CSMD1: variants seen among roughly 807,000 people sequenced by gnomAD.
CSMD1 encodes CUB and Sushi multiple domains 1.
Under a neutral mutation model 417.5 loss-of-function variants are expected in CSMD1, and 213 were observed. The observed-to-expected ratio is 0.51, with a 90% CI of 0.46 to 0.57. CSMD1 has a LOEUF of 0.57. Among genes scored for constraint, CSMD1 ranks in the 20% least tolerant of loss-of-function variants. The probability of loss-of-function intolerance (pLI) is 0.00; values close to 1 mark genes in which losing one functional copy is unlikely to be tolerated. For missense variants in CSMD1, 6,923 were observed against 4,529.7 expected (o/e 1.53, Z -15.17); for synonymous variants, 2,862 against 1,736.8 (o/e 1.65, Z -16.11).
rs187569300 is a variant in CSMD1 at position 4,461,419 on chromosome 8, C to G, written c.303-41354G>C. Among the ~76,000 whole-genome samples the G allele has an allele frequency of 5.2e-3, 787 of 151,518 alleles. 3 individuals are homozygous for G. The highest frequency in any genetic ancestry group is 8.7e-3 in the Non-Finnish European group (588 of 67,934). The stretch of plus-strand genomic sequence containing the variant: ...ATAGGTAAAGAAGATAAAAATATAA[C>G]TATTTACAAATCACATGATCTAGTA... On this transcript the variant is annotated intron_variant, in intron 2 of 69. Coordinates refer to ENST00000635120, the MANE Select transcript of CSMD1 (RefSeq NM_033225.6).
intron 3 of CSMD1, among the ~76,000 whole-genome samples, chr8:4,251,916 G>A (rs1206957933): frequency 6.6e-6 from 1 of 151,332 alleles, no homozygotes; most frequent in Non-Finnish European, 1.5e-5. Flanking sequence ...AGGATAATGT[G>A]GGAATGGGAA....
intron 1 of CSMD1, among the ~76,000 whole-genome samples, chr8:4,991,407 C>A (rs1811455179): frequency 6.6e-6 from 1 of 152,238 alleles, no homozygotes; most frequent in South Asian, 2.1e-4. Flanking sequence ...GAAGCTGATA[C>A]TCAAGTACCC....
intron 3 of CSMD1, among the ~76,000 whole-genome samples, chr8:4,361,673 A>C (rs1161867101): frequency 6.6e-6 from 1 of 152,138 alleles, no homozygotes; most frequent in Non-Finnish European, 1.5e-5. Context: ...ATCAGCAGCC[A>C]GGTGCGACGG....
In CSMD1 at chr8:4,780,808, G is replaced by C. The variant is rs56309769; in HGVS notation, c.86-143250C>G. 5.3e-3 allele frequency among the ~76,000 whole-genome samples: 806 copies of C among 152,216 alleles called. 3 individuals carry two copies. Among genetic ancestry groups the C allele is most frequent in the African/African-American group, 0.019 (783 of 41,538 alleles). On this transcript the variant is annotated intron_variant, in intron 1 of 69. Coordinates refer to ENST00000635120, the MANE Select transcript of CSMD1 (RefSeq NM_033225.6). ...TAGCTTAGCTCCCCCGTCTCAGTGA[G>C]AACATACAATGTTTGGTTTTCCGTT...
chr8:3,093,208 C>T (rs950088523), intron 47 of CSMD1, among the ~76,000 whole-genome samples: 6 of 152,062 alleles, frequency 3.9e-5, no homozygotes, highest in African/African-American at 1.4e-4. Flanking sequence ...ATGGGTGGGT[C>T]CTGATCTAAT....
intron 3 of CSMD1, among the ~76,000 whole-genome samples, chr8:4,033,894 T>C (rs778079638): frequency 5.3e-5 from 8 of 152,198 alleles, no homozygotes; most frequent in Non-Finnish European, 7.3e-5. Flanking sequence ...AAATTCATCA[T>C]TGTTGGCTAT....
chr8:2,959,600 T>A (rs747130699), intron 62 of CSMD1, among the ~76,000 whole-genome samples: 6 of 152,154 alleles, frequency 3.9e-5, no homozygotes, highest in Non-Finnish European at 8.8e-5. Context: ...GCAAACTGAT[T>A]ATCATACACT....
At chr8:4,901,493 T>C (rs1429889399) in intron 1 of CSMD1, among the ~76,000 whole-genome samples, 1 of 152,004 alleles carries the variant, frequency 6.6e-6, no homozygotes, top group African/African-American at 2.4e-5. Context: ...CAATTATGTT[T>C]TTCCATCTTT....
At chr8:3,621,387 A>G (rs1329184615) in intron 7 of CSMD1, among the ~76,000 whole-genome samples, 2 of 152,164 alleles carry the variant, frequency 1.3e-5, no homozygotes, top group South Asian at 2.1e-4. Context: ...AAGAGTAATC[A>G]AAGTCAGAGA....
At chr8:3,382,248 T>C (rs1810674894) in intron 18 of CSMD1, among the ~76,000 whole-genome samples, 1 of 151,368 alleles carries the variant, frequency 6.6e-6, no homozygotes, top group East Asian at 1.9e-4. Context: ...GGGAAAAAGT[T>C]ATTATTTATT....
intron 1 of CSMD1, among the ~76,000 whole-genome samples, chr8:4,917,425 G>C (rs56340191): frequency 5.3e-5 from 8 of 152,098 alleles, no homozygotes; most frequent in South Asian, 2.1e-4. Context: ...ACAAGGTCAG[G>C]AGATCGAGAC....
Position 4,397,442 on chromosome 8 carries a change from G to T in CSMD1, c.415+22511C>A, listed in dbSNP as rs138592975. 6.0e-4 allele frequency among the ~76,000 whole-genome samples: 90 copies of T among 150,230 alleles called. 1 individual carries two copies. Among genetic ancestry groups the T allele is most frequent in the African/African-American group, 2.0e-3 (81 of 40,666 alleles). The stretch of plus-strand genomic sequence containing the variant: ...CATTAGGAACATGGAAATGAAGAAA[G>T]CTTCGGGAGATACGTGATCTGTTGC... On this transcript the variant is annotated intron_variant, in intron 3 of 69. Coordinates refer to ENST00000635120, the MANE Select transcript of CSMD1 (RefSeq NM_033225.6).
chr8:4,334,068 G>A (rs1476234834), intron 3 of CSMD1, among the ~76,000 whole-genome samples: 1 of 151,844 alleles, frequency 6.6e-6, no homozygotes, highest in African/African-American at 2.4e-5. Flanking sequence ...TAATTATGAT[G>A]ATGATGATGA....
rs1433931314 is a variant in CSMD1 at position 4,697,692 on chromosome 8, T to C, written c.86-60134A>G. 1.3e-5 allele frequency among the ~76,000 whole-genome samples: 2 copies of C among 152,174 alleles called. 1 individual carries two copies. Among genetic ancestry groups the C allele is most frequent in the Non-Finnish European group, 2.9e-5 (2 of 68,036 alleles). ...GATTTCCCTGGACAGTTTTAATTAC[T>C]GGACATGAGAGTTCTGAAATATGTG... On this transcript the variant is annotated intron_variant, in intron 1 of 69. Transcript: ENST00000635120.
At chr8:3,220,177 T>G (rs1369317505) in intron 28 of CSMD1, among the ~76,000 whole-genome samples, 1 of 143,706 alleles carries the variant, frequency 7.0e-6, no homozygotes, top group Non-Finnish European at 1.5e-5. Context: ...TCCACTTGCG[T>G]GGATAAATCA....
rs771502494 is a variant in CSMD1 at position 2,938,557 on chromosome 8, T to C, written c.*28A>G. 5.0e-6 allele frequency: 8 copies of C among 1,597,356 alleles called. No individual in the cohort carries two copies. The highest frequency in any genetic ancestry group is 6.8e-6 in the Non-Finnish European group (8 of 1,170,632). On this transcript the variant is annotated 3_prime_UTR_variant, in exon 70 of 70. Coordinates refer to ENST00000635120, the MANE Select transcript of CSMD1 (RefSeq NM_033225.6). ...TGCTTGTCCATCAGAGGTATGGCTATGAATCAGTCCTGTTGGGGCACTGAG... is the reference window on the plus strand; with the variant it reads ...TGCTTGTCCATCAGAGGTATGGCTACGAATCAGTCCTGTTGGGGCACTGAG...
intron 25 of CSMD1, among the ~76,000 whole-genome samples, chr8:3,296,777 G>A (rs916603380): frequency 6.6e-6 from 1 of 152,128 alleles, no homozygotes; most frequent in Non-Finnish European, 1.5e-5. Flanking sequence ...GAAAAGTGGA[G>A]TTGTCATCCA....
intron 5 of CSMD1, among the ~76,000 whole-genome samples, chr8:3,987,370 T>C (rs767826074): frequency 6.6e-6 from 1 of 152,216 alleles, no homozygotes; most frequent in Non-Finnish European, 1.5e-5. Context: ...TTATTTGTTG[T>C]TTATCACATA....
At chr8:4,362,882 G>C (rs538166958) in intron 3 of CSMD1, among the ~76,000 whole-genome samples, 1 of 152,120 alleles carries the variant, frequency 6.6e-6, no homozygotes, top group African/African-American at 2.4e-5. Context: ...GCTCATCTGA[G>C]TTATAAAAGT....
Sources: allele counts gnomAD v4.1 joint callset (sites outside exome capture counted in the v4.1 genomes callset), GRCh38; gene constraint gnomAD v4.1.1; transcripts MANE v1.5; gene names NCBI Gene and HGNC (gene_info 2026-07-23, HGNC 2026-07-21).